The following SET variants were observed in gnomAD, a reference collection of about 807,000 sequenced individuals.
SET encodes protein SET.
In SET, 4 loss-of-function variants were observed where a neutral mutation model predicts 39.0. That is an observed-to-expected ratio of 0.10 (90% CI 0.05 to 0.23). The LOEUF (loss-of-function observed/expected upper bound fraction) is 0.23, where lower values mean the gene tolerates loss of function less well. Among genes scored for constraint, SET ranks in the 10% least tolerant of loss-of-function variants. SET has a pLI of 1.00. For synonymous variants in SET, 114 were observed against 115.9 expected, an observed-to-expected ratio of 0.98 and a Z score of 0.11; for missense variants, 137 against 329.7, an observed-to-expected ratio of 0.42 and a Z score of 4.53.
chr9:128,687,711 G>T (rs896633306), upstream of SET, among the ~76,000 whole-genome samples: 1 of 151,788 alleles, frequency 6.6e-6, no homozygotes, highest in Non-Finnish European at 1.5e-5. Context: ...TGTCCAAAGA[G>T]AGATTTCAGG....
chr9:128,688,588 A>G (rs1428916043), upstream of SET, among the ~76,000 whole-genome samples: 1 of 152,114 alleles, frequency 6.6e-6, no homozygotes, highest in Non-Finnish European at 1.5e-5. Flanking sequence ...CAGTGTCGTA[A>G]CCTTTATCAT....
Position 128,693,834 on chromosome 9 carries a change from A to G in SET, c.663+26A>G, listed in dbSNP as rs189358973. 10 of 1,608,380 alleles carry G rather than the reference A, an allele frequency of 6.2e-6. No homozygotes were observed. In the African/African-American group the frequency reaches 9.4e-5, roughly 15 times the overall value. ...GTGAGTTCTAATACTCATTTATTCA[A>G]GGTTGGACTTGTCTCGGTTGTTTAA... is the stretch of plus-strand genomic sequence containing the variant. On this transcript the variant is annotated intron_variant, in intron 6 of 7. Transcript: ENST00000322030.
rs1249668111 is a variant in SET at position 128,696,046 on chromosome 9, C to T, written c.*1382C>T. 4.5e-6 allele frequency: 1 copy of T among 224,238 alleles called. No individual in the cohort carries two copies. Among genetic ancestry groups the T allele is most frequent in the Non-Finnish European group, 9.0e-6 (1 of 111,638 alleles). 13.9% of individuals were successfully genotyped at this position (224,238 alleles called of 1,614,324 possible). On this transcript the variant is annotated 3_prime_UTR_variant, in exon 8 of 8. Transcript: ENST00000322030. ...TCCCTGCTTTCTGGTATAAAGCTCT[C>T]AAATGTGACCATGTGAATCTGGGTG...
intron 5 of SET, 94 bp downstream of exon 5, chr9:128,693,075 G>C: frequency 1.2e-6 from 1 of 804,358 alleles, no homozygotes; most frequent in South Asian, 1.7e-5. Context: ...TGGTCATGTG[G>C]CTAAATACAA....
chr9:128,694,121 T>G lies in SET; in HGVS notation c.810+79T>G, dbSNP rs528240498. On this transcript the variant is annotated intron_variant, in intron 7 of 7. Transcript: ENST00000322030. ...ATTTTGGGGTGTATATATATATATA[T>G]AGTGTGGTAGAACTGACCAGAACTG... The G allele has an allele frequency of 3.4e-5, 43 of 1,264,664 alleles. No individual in the cohort carries two copies. In the South Asian group the frequency reaches 6.9e-4, roughly 20 times the overall value. 78.3% of individuals were successfully genotyped at this position (1,264,664 alleles called of 1,614,324 possible). A position where few individuals can be genotyped will look rare whatever the true frequency, so the allele number is the denominator to read the frequency against.
In SET at chr9:128,692,486, T is replaced by C. The variant is rs1432159077; in HGVS notation, c.275-176T>C. On this transcript the variant is annotated intron_variant, in intron 3 of 7. Coordinates refer to ENST00000322030, the MANE Select transcript of SET (RefSeq NM_003011.4). ...ATTCTGTTTAGGAGAAGCTATATTC[T>C]AATTGCTTGATGAAAGATAGTGACA... The C allele has an allele frequency of 1.5e-5, 8 of 530,984 alleles. No individual in the cohort carries two copies. In the East Asian group the frequency reaches 2.6e-4, roughly 17 times the overall value. The allele number at this position is 530,984 out of a possible 1,614,324, so 32.9% of individuals were successfully genotyped here.
At chr9:128,684,785 A>C (rs766852569), upstream of SET, among the ~76,000 whole-genome samples, 14 of 152,040 alleles carry the variant, frequency 9.2e-5, no homozygotes, top group Non-Finnish European at 1.9e-4. Flanking sequence ...TCCTGTGGGC[A>C]ATCTGTGAGC....
At position 128,689,277 on chromosome 9, in the gene SET, C is replaced by T. The variant is rs1861404693; in HGVS notation, c.-306C>T. On this transcript the variant is annotated 5_prime_UTR_variant, in exon 1 of 8. Coordinates refer to ENST00000322030, the MANE Select transcript of SET (RefSeq NM_003011.4). ...GCGGCTCGGGAGAGCGAGCAGCGAG[C>T]TGGCTGGATCGCCGAGCGCGAGTGA... 9.9e-7 allele frequency: 1 copy of T among 1,011,304 alleles called. No individual in the cohort carries two copies. The highest frequency in any genetic ancestry group is 1.2e-6 in the Non-Finnish European group (1 of 846,140). The allele number at this position is 1,011,304 out of a possible 1,614,324, so 62.6% of individuals were successfully genotyped here. A position where few individuals can be genotyped will look rare whatever the true frequency, so the allele number is the denominator to read the frequency against.
At chr9:128,685,290 TG>T, upstream of SET, 1 of 1,237,132 alleles carries the variant, frequency 8.1e-7, no homozygotes, top group Admixed American at 2.0e-5. Flanking sequence ...CCAGGCTTGC[TG>T]TGAGTCTGAA....
intron 1 of SET, among the ~76,000 whole-genome samples, chr9:128,684,219 C>G (rs553483773): frequency 3.3e-5 from 5 of 152,194 alleles, no homozygotes; most frequent in Non-Finnish European, 7.4e-5. Flanking sequence ...GCCCCCAACT[C>G]AACACTGACC....
chr9:128,694,312 T>TA (rs1413920818), intron 7 of SET, among the ~76,000 whole-genome samples: 1 of 152,136 alleles, frequency 6.6e-6, no homozygotes, highest in South Asian at 2.1e-4. Flanking sequence ...ACTTAGGCAA[T>TA]ATAGGCAGTG....
chr9:128,692,479 T>G, intron 3 of SET, 183 bp from the exon 4 acceptor site: 1 of 490,426 alleles, frequency 2.0e-6, no homozygotes, highest in South Asian at 2.3e-5. Context: ...TAGGAGAAGC[T>G]ATATTCTAAT....
chr9:128,686,104 C>T (rs1861278051), upstream of SET, among the ~76,000 whole-genome samples: 1 of 151,508 alleles, frequency 6.6e-6, no homozygotes, highest in East Asian at 1.9e-4. Context: ...GGGGAGAGGC[C>T]AAGAAGAGAG....
At chr9:128,686,542 T>C (rs1861290533), upstream of SET, among the ~76,000 whole-genome samples, 1 of 151,874 alleles carries the variant, frequency 6.6e-6, no homozygotes, top group Admixed American at 6.6e-5. Flanking sequence ...CAGGAGCGGG[T>C]CGTGAAATCA....
chr9:128,687,720 G>C (rs184161490), upstream of SET, among the ~76,000 whole-genome samples: 330 of 152,096 alleles, frequency 2.2e-3, no homozygotes, highest in African/African-American at 7.7e-3. Flanking sequence ...AGAGATTTCA[G>C]GTATTTTTTT....
At chr9:128,687,417 G>A (rs1207225306), upstream of SET, among the ~76,000 whole-genome samples, 1 of 152,110 alleles carries the variant, frequency 6.6e-6, no homozygotes, top group Non-Finnish European at 1.5e-5. Context: ...GACCAGTCTG[G>A]CCAACATGGT....
chr9:128,689,165 C>G, upstream of SET: 1 of 692,732 alleles, frequency 1.4e-6, no homozygotes, highest in Non-Finnish European at 1.8e-6. Context: ...CGCGAGCCTC[C>G]CCGGCCGGAG....
rs1861399569 is a variant in SET at position 128,689,228 on chromosome 9, C to T, written c.-355C>T. The T allele has an allele frequency of 1.2e-5, 12 of 997,014 alleles. No individual in the cohort carries two copies. Among genetic ancestry groups the T allele is most frequent in the African/African-American group, 1.7e-5 (1 of 57,622 alleles). The allele number at this position is 997,014 out of a possible 1,614,324, so 61.8% of individuals were successfully genotyped here. A position where few individuals can be genotyped will look rare whatever the true frequency, so the allele number is the denominator to read the frequency against. ...GCCTGCGCCCTGCGCCCGCCCCTCG[C>T]CGTAGGAGGAGGTGGAGGAGGAGGC... On this transcript the variant is annotated 5_prime_UTR_variant, in exon 1 of 8. Coordinates refer to ENST00000322030, the MANE Select transcript of SET (RefSeq NM_003011.4).
chr9:128,688,119 G>A (rs1479301330), upstream of SET, among the ~76,000 whole-genome samples: 2 of 152,158 alleles, frequency 1.3e-5, no homozygotes, highest in Admixed American at 6.5e-5. Context: ...GCCGAGGCAG[G>A]AGAATTGCTT....
Sources: gnomAD v4.1 joint callset for allele counts (sites outside exome capture counted in the v4.1 genomes callset) on GRCh38, gnomAD v4.1.1 for gene constraint, MANE v1.5 for transcripts, NCBI Gene and HGNC (gene_info 2026-07-23, HGNC 2026-07-21) for gene names.